The following ATL3 variants were observed in gnomAD, a reference collection of about 807,000 sequenced individuals.
The protein encoded by ATL3 is atlastin GTPase 3.
ATL3 carries 49 observed loss-of-function variants against 69.5 expected under a neutral mutation model. The observed-to-expected ratio is 0.71, with a 90% CI of 0.56 to 0.89. The LOEUF is 0.89. Among genes scored for constraint, ATL3 ranks in the 40% least tolerant of loss-of-function variants. ATL3 has a pLI of 0.00. For synonymous variants in ATL3, 214 were observed against 224.1 expected (o/e 0.95, Z 0.40); for missense variants, 606 against 645.7 (o/e 0.94, Z 0.67).
intron 11 of ATL3, among the ~76,000 whole-genome samples, chr11:63,631,752 C>T (rs561331228): frequency 1.3e-5 from 2 of 152,212 alleles, no homozygotes; most frequent in South Asian, 2.1e-4. Flanking sequence ...GAGGCCAGGG[C>T]GGGCAGATCA....
At chr11:63,655,484 G>T (rs113977143) in intron 3 of ATL3, among the ~76,000 whole-genome samples, 23 of 140,660 alleles carry the variant, frequency 1.6e-4, no homozygotes, top group African/African-American at 5.3e-4. Flanking sequence ...TTTAGCTCTT[G>T]TTGCCCAGGC....
intron 3 of ATL3, among the ~76,000 whole-genome samples, chr11:63,657,550 A>T (rs962438205): frequency 2.6e-5 from 4 of 152,230 alleles, no homozygotes; most frequent in Non-Finnish European, 5.9e-5. Flanking sequence ...AACACATAAG[A>T]GCATCAGCCT....
chr11:63,658,920 A>T lies in ATL3; in HGVS notation c.262-16T>A, dbSNP rs1940339232. On this transcript the variant is annotated splice_polypyrimidine_tract_variant and intron_variant, in intron 2 of 12. Transcript: ENST00000398868. ...CACTTTCCTTCTACAGAAGTAAGAAATTTCTATTAAATCTTAAATTAAAAA... is the reference window on the plus strand; with the variant it reads ...CACTTTCCTTCTACAGAAGTAAGAATTTTCTATTAAATCTTAAATTAAAAA... 1 of 1,588,156 alleles carries T rather than the reference A, an allele frequency of 6.3e-7. No homozygotes were observed.
At chr11:63,630,250 TAAAA>T (rs36043798) in intron 12 of ATL3, among the ~76,000 whole-genome samples, 1 of 121,402 alleles carries the variant, frequency 8.2e-6, no homozygotes, top group Non-Finnish European at 1.8e-5. Flanking sequence ...CTGTCTCTAC[TAAAA>T]AAAAAAAAAA....
intron 3 of ATL3, among the ~76,000 whole-genome samples, chr11:63,653,151 T>C (rs1008383373): frequency 5.3e-5 from 8 of 150,828 alleles, no homozygotes; most frequent in Non-Finnish European, 1.0e-4. Context: ...GCCAACACGG[T>C]GAAATCGTGT....
chr11:63,653,477 C>T (rs528296047), intron 3 of ATL3, among the ~76,000 whole-genome samples: 1 of 150,522 alleles, frequency 6.6e-6, no homozygotes, highest in Non-Finnish European at 1.5e-5. Flanking sequence ...AAAAAAAAAA[C>T]CAAAACTCTT....
intron 11 of ATL3, chr11:63,632,453 C>T: frequency 1.2e-6 from 1 of 830,908 alleles, no homozygotes; most frequent in South Asian, 1.3e-5. Flanking sequence ...AGTGATCCAA[C>T]ATCAAATATT....
upstream of ATL3, chr11:63,671,627 G>A: frequency 7.0e-7 from 1 of 1,420,926 alleles, no homozygotes; most frequent in Non-Finnish European, 9.2e-7. Flanking sequence ...GAAGCGAGCC[G>A]CCGGGTACCT....
In ATL3 at chr11:63,671,146, A is replaced by G. The variant is rs1940759788; in HGVS notation, c.46+144T>C. On this transcript the variant is annotated intron_variant, in intron 1 of 12. Transcript: ENST00000398868. ...GGGCCCCCCCACCACAAATTCGGAAACCGAGTGACCCCGGCGAGGGACGCG... is the reference window on the plus strand; with the variant it reads ...GGGCCCCCCCACCACAAATTCGGAAGCCGAGTGACCCCGGCGAGGGACGCG... 4 of 1,381,112 alleles carry G rather than the reference A, an allele frequency of 2.9e-6. No homozygotes were observed. In the African/African-American group the frequency reaches 4.6e-5, roughly 16 times the overall value. The allele number at this position is 1,381,112 out of a possible 1,614,324, so 85.6% of individuals were successfully genotyped here. A position where few individuals can be genotyped will look rare whatever the true frequency, so the allele number is the denominator to read the frequency against.
intron 3 of ATL3, among the ~76,000 whole-genome samples, chr11:63,657,519 GAAGTA>G (rs1236154474): frequency 2.0e-5 from 3 of 152,162 alleles, no homozygotes; most frequent in Non-Finnish European, 4.4e-5. Context: ...CAGGAGTAAG[GAAGTA>G]AAGAACAGAA....
chr11:63,667,692 A>C (rs1175097289), intron 1 of ATL3, among the ~76,000 whole-genome samples: 1 of 149,630 alleles, frequency 6.7e-6, no homozygotes. Context: ...TGAACTTGGG[A>C]GATGGAGGCT....
intron 1 of ATL3, among the ~76,000 whole-genome samples, chr11:63,668,714 G>C (rs917735455): frequency 2.6e-5 from 4 of 151,270 alleles, no homozygotes; most frequent in Admixed American, 2.6e-4. Context: ...CTTTTTAATG[G>C]AATGAGCTCA....
intron 6 of ATL3, among the ~76,000 whole-genome samples, chr11:63,645,947 T>C (rs957721274): frequency 1.3e-5 from 2 of 152,058 alleles, no homozygotes; most frequent in African/African-American, 4.8e-5. Context: ...TTTGTATTTT[T>C]AGTAGAGACA....
intron 6 of ATL3, 32 bp from the exon 7 acceptor site, chr11:63,644,293 C>T: frequency 7.6e-7 from 1 of 1,311,380 alleles, no homozygotes; most frequent in Non-Finnish European, 1.1e-6. Context: ...CATATTTTAA[C>T]ATGCATAAAC....
intron 1 of ATL3, among the ~76,000 whole-genome samples, chr11:63,664,259 C>T (rs985314462): frequency 1.2e-4 from 18 of 152,174 alleles, no homozygotes; most frequent in African/African-American, 4.1e-4. Context: ...CTGAGCGAGG[C>T]CAGCCTCGGT....
At chr11:63,655,054 G>A (rs1940199005) in intron 3 of ATL3, among the ~76,000 whole-genome samples, 1 of 151,942 alleles carries the variant, frequency 6.6e-6, no homozygotes, top group Non-Finnish European at 1.5e-5. Flanking sequence ...TCCCTTGTTG[G>A]GTGCTGGTTA....
intron 11 of ATL3, chr11:63,632,409 C>A (rs185701277): frequency 8.3e-6 from 7 of 843,334 alleles, no homozygotes; most frequent in Middle Eastern, 2.3e-4. Context: ...TTGATAGTAT[C>A]CAAAGAGGTG....
intron 1 of ATL3, among the ~76,000 whole-genome samples, chr11:63,661,416 G>C (rs1287181495): frequency 6.6e-6 from 1 of 152,070 alleles, no homozygotes; most frequent in African/African-American, 2.4e-5. Context: ...TTCCTTACCA[G>C]AGTTTCCCTA....
chr11:63,631,090 G>C lies in ATL3; in HGVS notation c.1489C>G (p.Arg497Gly), dbSNP rs373239913. ...WGYIRYSGQY[R>G]ELGGAIDFGA... ...AAATCAATAGCTCCGCCCAGCTCAC[G>C]ATATTGACCAGAATACCTGATGTAG... The change falls in exon 12 of 13, where the codon CGT becomes GGT. Residue 497 changes from arginine to glycine, a missense_variant. Transcript: ENST00000398868. 6.2e-7 allele frequency: 1 copy of C among 1,614,054 alleles called. No homozygotes were observed. The highest frequency in any genetic ancestry group is 1.7e-5 in the Admixed American group (1 of 60,006).
Sources: allele counts gnomAD v4.1 joint callset (sites outside exome capture counted in the v4.1 genomes callset), GRCh38; gene constraint gnomAD v4.1.1; transcripts MANE v1.5; gene names NCBI Gene and HGNC (gene_info 2026-07-23, HGNC 2026-07-21).